IGSF11: variants seen among roughly 807,000 people sequenced by gnomAD.
The protein encoded by IGSF11 is CXADR like 1.
Under a neutral mutation model 41.0 loss-of-function variants are expected in IGSF11, and 22 were observed. That is an observed-to-expected ratio of 0.54 (90% confidence interval 0.38 to 0.77). The LOEUF (loss-of-function observed/expected upper bound fraction) is 0.77, where lower values mean the gene tolerates loss of function less well. IGSF11 is among the 30% of genes least tolerant of loss of function. The pLI, the probability that IGSF11 is intolerant of heterozygous loss-of-function variation, is 0.00. For synonymous variants in IGSF11, 219 were observed against 201.3 expected, an observed-to-expected ratio of 1.09 and a Z score of -0.74; for missense variants, 444 against 530.8, an observed-to-expected ratio of 0.84 and a Z score of 1.61.
intron 1 of IGSF11, among the ~76,000 whole-genome samples, chr3:119,087,496 G>A (rs117317298): frequency 0.05 from 7,592 of 151,918 alleles, 229 homozygotes; most frequent in South Asian, 0.093. Context: ...AATTGGAGAC[G>A]ATTATTTTAA....
intron 1 of IGSF11, among the ~76,000 whole-genome samples, chr3:118,973,426 G>C (rs1017713608): frequency 1.3e-5 from 2 of 152,284 alleles, no homozygotes; most frequent in East Asian, 3.9e-4. Context: ...GGTGACACCA[G>C]GGCTTTGAAA....
intron 1 of IGSF11, among the ~76,000 whole-genome samples, chr3:119,024,887 T>C (rs1939665219): frequency 6.6e-6 from 1 of 152,188 alleles, no homozygotes; most frequent in African/African-American, 2.4e-5. Context: ...GATATTGTCA[T>C]ACTTACAGCC....
chr3:118,992,698 C>T (rs1935905236), intron 1 of IGSF11, among the ~76,000 whole-genome samples: 1 of 152,034 alleles, frequency 6.6e-6, no homozygotes, highest in African/African-American at 2.4e-5. Context: ...TTGAAAAACA[C>T]AAATGTCAAG....
At chr3:118,919,297 G>T (rs1161923210) in intron 4 of IGSF11, among the ~76,000 whole-genome samples, 7 of 140,088 alleles carry the variant, frequency 5.0e-5, no homozygotes, top group Non-Finnish European at 1.1e-4. Flanking sequence ...CACAGCAAAA[G>T]AAACTACCAT....
upstream of IGSF11, among the ~76,000 whole-genome samples, chr3:119,108,280 G>T (rs1269117557): frequency 1.4e-5 from 2 of 145,266 alleles, no homozygotes; most frequent in African/African-American, 5.1e-5. Flanking sequence ...GTGGTTTGTA[G>T]TTGTCCTTGA....
intron 1 of IGSF11, among the ~76,000 whole-genome samples, chr3:119,019,564 G>A (rs541355648): frequency 2.0e-5 from 3 of 152,040 alleles, no homozygotes; most frequent in African/African-American, 7.2e-5. Context: ...CTTCAAGACA[G>A]TATCTTCCTG....
intron 1 of IGSF11, among the ~76,000 whole-genome samples, chr3:119,018,453 A>G (rs1423252941): frequency 6.6e-6 from 1 of 152,242 alleles, no homozygotes; most frequent in Non-Finnish European, 1.5e-5. Flanking sequence ...AAAGGTAAAT[A>G]CAGCTTATAA....
At chr3:119,045,020 C>A (rs1368407603) in intron 1 of IGSF11, among the ~76,000 whole-genome samples, 4 of 152,194 alleles carry the variant, frequency 2.6e-5, no homozygotes, top group African/African-American at 7.2e-5. Context: ...AAGCAACAAT[C>A]AGCATGATGA....
chr3:118,951,579 T>C (rs9833229), intron 1 of IGSF11, among the ~76,000 whole-genome samples: 11,911 of 152,194 alleles, frequency 0.078, 664 homozygotes, highest in Admixed American at 0.16. Context: ...AATAATAATA[T>C]CTATCCCTTT....
intron 1 of IGSF11, among the ~76,000 whole-genome samples, chr3:119,029,020 T>C (rs1940105470): frequency 6.6e-6 from 1 of 151,848 alleles, no homozygotes; most frequent in Non-Finnish European, 1.5e-5. Flanking sequence ...TGAATCTATA[T>C]TTCAAAATAA....
intron 1 of IGSF11, among the ~76,000 whole-genome samples, chr3:118,949,039 C>T (rs1057396623): frequency 1.4e-5 from 2 of 147,668 alleles, no homozygotes; most frequent in African/African-American, 2.5e-5. Context: ...AAAATGATAA[C>T]GAAGGCAAAG....
At chr3:119,001,740 T>C (rs924359112) in intron 1 of IGSF11, among the ~76,000 whole-genome samples, 2 of 150,402 alleles carry the variant, frequency 1.3e-5, no homozygotes, top group East Asian at 2.0e-4. Flanking sequence ...TTTGTTCTTG[T>C]GATAGTTTAC....
At chr3:119,001,433 C>A (rs534173712) in intron 1 of IGSF11, among the ~76,000 whole-genome samples, 7 of 147,960 alleles carry the variant, frequency 4.7e-5, no homozygotes, top group Admixed American at 1.3e-4. Flanking sequence ...TTGTTTTTTG[C>A]TTTAGTTTTT....
At chr3:119,110,917 C>A (rs1247031593) in intron 1 of IGSF11, among the ~76,000 whole-genome samples, 3 of 151,682 alleles carry the variant, frequency 2.0e-5, no homozygotes, top group Non-Finnish European at 4.4e-5. Flanking sequence ...TGAATATTGG[C>A]CCCCACTCTC....
chr3:119,052,207 C>T (rs143514000), intron 1 of IGSF11, among the ~76,000 whole-genome samples: 91 of 152,062 alleles, frequency 6.0e-4, no homozygotes, highest in African/African-American at 1.8e-3. Context: ...TGGCTGGGTG[C>T]GGTGGCTCAT....
intron 1 of IGSF11, among the ~76,000 whole-genome samples, chr3:119,141,997 C>T (rs191028267): frequency 4.6e-4 from 70 of 152,052 alleles, no homozygotes; most frequent in Middle Eastern, 3.4e-3. Flanking sequence ...AGTTTCTGGC[C>T]GGGCGCGGTG....
At chr3:119,092,890 G>A (rs1209642483) in intron 1 of IGSF11, among the ~76,000 whole-genome samples, 1 of 152,110 alleles carries the variant, frequency 6.6e-6, no homozygotes, top group African/African-American at 2.4e-5. Flanking sequence ...TGCTATACAA[G>A]TTTGTAGCAT....
At chr3:119,018,245 G>C (rs1184142397) in intron 1 of IGSF11, among the ~76,000 whole-genome samples, 1 of 152,202 alleles carries the variant, frequency 6.6e-6, no homozygotes, top group Non-Finnish European at 1.5e-5. Context: ...GAAAGAGAGA[G>C]AAGTCCTCTT....
At chr3:119,113,467 T>C (rs1218825577) in intron 1 of IGSF11, among the ~76,000 whole-genome samples, 1 of 152,212 alleles carries the variant, frequency 6.6e-6, no homozygotes, top group African/African-American at 2.4e-5. Context: ...AAACCCAGGA[T>C]GACACTCATT....
Sources: gnomAD v4.1 joint callset for allele counts (sites outside exome capture counted in the v4.1 genomes callset) on GRCh38, gnomAD v4.1.1 for gene constraint, MANE v1.5 for transcripts, NCBI Gene and HGNC (gene_info 2026-07-23, HGNC 2026-07-21) for gene names.